RGS7: variants seen among roughly 807,000 people sequenced by gnomAD.
The protein encoded by RGS7 is regulator of G protein signaling 7, also known as regulator of G-protein signaling 7.
A neutral mutation model predicts 81.1 loss-of-function variants in RGS7; 27 were observed. That is an observed-to-expected ratio of 0.33 (90% confidence interval 0.25 to 0.46). The LOEUF (loss-of-function observed/expected upper bound fraction) is 0.46, where lower values mean the gene tolerates loss of function less well. RGS7 is among the 20% of genes least tolerant of loss of function. The pLI, the probability that RGS7 is intolerant of heterozygous loss-of-function variation, is 1.00. For missense variants in RGS7, 396 were observed against 607.4 expected (o/e 0.65, Z 3.66); for synonymous variants, 208 against 207.7 (o/e 1.00, Z -0.01).
At chr1:241,137,704 C>T (rs2067621467) in intron 2 of RGS7, among the ~76,000 whole-genome samples, 1 of 152,176 alleles carries the variant, frequency 6.6e-6, no homozygotes. Context: ...AGCTGTTAAA[C>T]AATGGATAGC....
intron 18 of RGS7, among the ~76,000 whole-genome samples, chr1:240,787,387 G>T (rs559906105): frequency 6.6e-6 from 1 of 152,162 alleles, no homozygotes. Context: ...GAGTTTACCA[G>T]ATTTGAGCAC....
At chr1:240,920,756 C>A (rs779259998) in intron 6 of RGS7, 2 of 549,462 alleles carry the variant, frequency 3.6e-6, no homozygotes, top group African/African-American at 1.9e-5. Flanking sequence ...CAAATACTCA[C>A]GTGTATGGGC....
intron 2 of RGS7, among the ~76,000 whole-genome samples, chr1:241,285,810 C>A (rs2078775779): frequency 6.6e-6 from 1 of 152,164 alleles, no homozygotes. Context: ...GTTGAGAGTG[C>A]CCTCTGTGGA....
intron 2 of RGS7, among the ~76,000 whole-genome samples, chr1:241,147,780 T>C (rs113657664): frequency 1.3e-3 from 56 of 44,620 alleles, no homozygotes; most frequent in African/African-American, 3.1e-3. Flanking sequence ...AGATTAAGTT[T>C]TATATATATA....
intron 9 of RGS7, among the ~76,000 whole-genome samples, chr1:240,834,635 C>G (rs1040207171): frequency 5.3e-5 from 8 of 152,086 alleles, no homozygotes; most frequent in Non-Finnish European, 8.8e-5. Flanking sequence ...CTCAGCCTCC[C>G]GAGTAGCTGG....
In RGS7 at chr1:240,858,072, G is replaced by A. The variant is rs1033859458; in HGVS notation, c.609+10515C>T. 2.0e-5 allele frequency among the ~76,000 whole-genome samples: 3 copies of A among 151,994 alleles called. No homozygotes were observed. The East Asian group carries it at 5.8e-4, about 29-fold the overall frequency. ...TTCTTTTATAAATTACCCAGTCTTG[G>A]GTATGTCTTTATTAGCAGCATGAGA... On this transcript the variant is annotated intron_variant, in intron 9 of 18. Transcript: ENST00000440928.
At chr1:241,003,532 T>C (rs1050843725) in intron 3 of RGS7, among the ~76,000 whole-genome samples, 29 of 151,804 alleles carry the variant, frequency 1.9e-4, no homozygotes, top group African/African-American at 7.0e-4. Flanking sequence ...ATGTGAGCAC[T>C]TCCCTAAGTG....
chr1:240,909,452 C>T (rs12754938), intron 6 of RGS7, among the ~76,000 whole-genome samples: 50,624 of 151,962 alleles, frequency 0.33, 9,144 homozygotes, highest in East Asian at 0.5. Flanking sequence ...ATTATTATCG[C>T]TAAGTTATTT....
At chr1:240,807,639 A>T (rs1341200904) in intron 14 of RGS7, among the ~76,000 whole-genome samples, 1 of 152,214 alleles carries the variant, frequency 6.6e-6, no homozygotes, top group Non-Finnish European at 1.5e-5. Context: ...TCTAAGTTTG[A>T]CAACGCCTCA....
intron 2 of RGS7, among the ~76,000 whole-genome samples, chr1:241,186,931 G>T (rs764662186): frequency 6.6e-6 from 1 of 152,062 alleles, no homozygotes; most frequent in Non-Finnish European, 1.5e-5. Flanking sequence ...GGTCTTTTGC[G>T]TCAACTGTTC....
intron 2 of RGS7, among the ~76,000 whole-genome samples, chr1:241,134,601 T>A (rs1031528082): frequency 9.9e-5 from 15 of 152,120 alleles, no homozygotes; most frequent in African/African-American, 3.6e-4. Context: ...ACCTACGCCA[T>A]AGAAGCGGAA....
intron 9 of RGS7, among the ~76,000 whole-genome samples, chr1:240,836,113 C>T (rs1033828828): frequency 2.3e-5 from 3 of 128,372 alleles, no homozygotes; most frequent in Non-Finnish European, 4.6e-5. Context: ...GTCGGTTAAT[C>T]GATTACAACA....
At chr1:240,828,704 T>C (rs1345851572) in intron 9 of RGS7, among the ~76,000 whole-genome samples, 1 of 152,192 alleles carries the variant, frequency 6.6e-6, no homozygotes, top group East Asian at 1.9e-4. Flanking sequence ...GGATAATGGC[T>C]TGAGCCCAGG....
At chr1:240,804,611 T>A (rs968677213) in intron 15 of RGS7, among the ~76,000 whole-genome samples, 1 of 152,106 alleles carries the variant, frequency 6.6e-6, no homozygotes, top group Non-Finnish European at 1.5e-5. Context: ...CTAAAAAAAA[T>A]TCTATTTTAA....
chr1:240,889,539 T>G (rs1667940590), intron 6 of RGS7, among the ~76,000 whole-genome samples: 1 of 152,174 alleles, frequency 6.6e-6, no homozygotes. Context: ...GTGAGAGCAG[T>G]GATATGATGG....
chr1:240,993,189 GAA>G, intron 3 of RGS7, among the ~76,000 whole-genome samples: 1 of 147,932 alleles, frequency 6.8e-6, no homozygotes, highest in South Asian at 2.2e-4. Flanking sequence ...AGGAAAGAAA[GAA>G]AGAGGAAAGA....
At chr1:241,231,979 T>C (rs905594440) in intron 2 of RGS7, among the ~76,000 whole-genome samples, 2 of 152,230 alleles carry the variant, frequency 1.3e-5, no homozygotes, top group Admixed American at 1.3e-4. Context: ...AGTTCTATTA[T>C]TCATTTTGAG....
chr1:241,062,060 C>T (rs957664947), intron 3 of RGS7, among the ~76,000 whole-genome samples: 4 of 152,202 alleles, frequency 2.6e-5, no homozygotes, highest in Non-Finnish European at 5.9e-5. Flanking sequence ...AAACAAATGG[C>T]AGCTGGCATC....
intron 2 of RGS7, among the ~76,000 whole-genome samples, chr1:241,131,288 T>C (rs973940809): frequency 3.9e-5 from 6 of 152,216 alleles, no homozygotes; most frequent in African/African-American, 1.4e-4. Flanking sequence ...ACTCATTTAC[T>C]TGAATCTAAT....
Sources: gnomAD v4.1 joint callset for allele counts (sites outside exome capture counted in the v4.1 genomes callset) on GRCh38, gnomAD v4.1.1 for gene constraint, MANE v1.5 for transcripts, NCBI Gene and HGNC (gene_info 2026-07-23, HGNC 2026-07-21) for gene names.